PVT1: variants seen among roughly 807,000 people sequenced by gnomAD.
PVT1 encodes CXCR4/PVT1 fusion.
chr8:127,858,447 T>TAAATAAAA (rs1554592235), intron 2 of PVT1, among the ~76,000 whole-genome samples: 1 of 151,378 alleles, frequency 6.6e-6, no homozygotes, highest in Non-Finnish European at 1.5e-5. Context: ...AATAAATAAA[T>TAAATAAAA]AAAAGATGGT....
intron 3 of PVT1, among the ~76,000 whole-genome samples, chr8:127,910,248 G>A (rs1030212322): frequency 1.3e-5 from 2 of 152,158 alleles, no homozygotes; most frequent in African/African-American, 4.8e-5. Flanking sequence ...TGGAAGCGGG[G>A]GCAGTTGTGT....
chr8:127,812,921 T>C (rs1306184352), intron 2 of PVT1, among the ~76,000 whole-genome samples: 1 of 152,030 alleles, frequency 6.6e-6, no homozygotes, highest in Non-Finnish European at 1.5e-5. Context: ...TAGATTTTTA[T>C]AGTCTGCAAG....
intron 5 of PVT1, among the ~76,000 whole-genome samples, chr8:128,083,413 C>T (rs1269378384): frequency 6.6e-6 from 1 of 152,236 alleles, no homozygotes; most frequent in African/African-American, 2.4e-5. Context: ...CACCCTTTCA[C>T]TACTGAGGCT....
At chr8:127,891,578 CA>C (rs1227671571) in intron 3 of PVT1, among the ~76,000 whole-genome samples, 3 of 152,202 alleles carry the variant, frequency 2.0e-5, no homozygotes, top group African/African-American at 7.2e-5. Flanking sequence ...TAAGTATTAT[CA>C]CACGTCACAG....
chr8:128,010,252 T>G (rs1817297310), intron 4 of PVT1: 1 of 152,206 alleles, frequency 6.6e-6, no homozygotes, highest in Admixed American at 6.5e-5. Flanking sequence ...TCCAAATTGT[T>G]AAAACTCCCT....
Position 128,000,814 on chromosome 8 carries a change from G to A in PVT1, n.912+11523G>A, listed in dbSNP as rs554366845. On this transcript the variant is annotated intron_variant and non_coding_transcript_variant, in intron 4 of 10. Coordinates refer to ENST00000651587, the Ensembl canonical transcript of PVT1. ...ATCAGAGATGACAGCCCAGCCTGGA[G>A]CTCTGCAAGGTCCTCCAGGCTTCTC... Among the ~76,000 whole-genome samples the A allele has an allele frequency of 7.2e-5, 11 of 152,306 alleles. No homozygotes were observed. In the South Asian group the frequency reaches 2.1e-3, roughly 29 times the overall value.
chr8:127,879,415 G>A (rs1459581298), intron 2 of PVT1, among the ~76,000 whole-genome samples: 2 of 152,222 alleles, frequency 1.3e-5, no homozygotes, highest in African/African-American at 4.8e-5. Context: ...TGTAATCCTA[G>A]CTACTTGGGA....
intron 3 of PVT1, among the ~76,000 whole-genome samples, chr8:127,962,135 T>C (rs1421973570): frequency 5.9e-5 from 9 of 152,130 alleles, no homozygotes; most frequent in Admixed American, 4.6e-4. Flanking sequence ...CCCAGCTAAT[T>C]TTTATATTTT....
intron 4 of PVT1, among the ~76,000 whole-genome samples, chr8:128,041,578 TTG>T (rs369638790): frequency 1.4e-5 from 2 of 146,544 alleles, no homozygotes; most frequent in African/African-American, 5.0e-5. Context: ...GTGTGTGTGT[TTG>T]TGTGTGTTTG....
chr8:128,020,659 A>T (rs1462797076), intron 4 of PVT1, among the ~76,000 whole-genome samples: 1 of 152,260 alleles, frequency 6.6e-6, no homozygotes, highest in Non-Finnish European at 1.5e-5. Flanking sequence ...ATTCAGCTTC[A>T]TGAACCAGGA....
chr8:127,858,263 C>A (rs1023077682), intron 2 of PVT1, among the ~76,000 whole-genome samples: 5 of 151,920 alleles, frequency 3.3e-5, no homozygotes. Context: ...AAAAATTAGC[C>A]GGGCATGGTG....
chr8:127,814,323 C>A (rs1402523107), intron 2 of PVT1, among the ~76,000 whole-genome samples: 1 of 152,202 alleles, frequency 6.6e-6, no homozygotes, highest in East Asian at 1.9e-4. Context: ...CAGGAGCCTG[C>A]CTGACGCGTC....
intron 2 of PVT1, among the ~76,000 whole-genome samples, chr8:127,882,129 G>A (rs1442392752): frequency 6.6e-6 from 1 of 152,184 alleles, no homozygotes; most frequent in Non-Finnish European, 1.5e-5. Flanking sequence ...CACAGCATGA[G>A]GATTCACACC....
At chr8:127,852,366 G>A (rs931013053) in intron 2 of PVT1, 4 of 152,268 alleles carry the variant, frequency 2.6e-5, no homozygotes, top group African/African-American at 9.6e-5. Flanking sequence ...AGGACCTTGG[G>A]CAAGTCATCC....
chr8:127,978,485 A>T (rs1358627724), intron 3 of PVT1, among the ~76,000 whole-genome samples: 1 of 148,086 alleles, frequency 6.8e-6, no homozygotes, highest in Non-Finnish European at 1.5e-5. Context: ...ATTATTATTT[A>T]TTATTATTAT....
intron 4 of PVT1, among the ~76,000 whole-genome samples, chr8:128,046,469 G>A (rs944631194): frequency 6.6e-6 from 1 of 152,216 alleles, no homozygotes; most frequent in South Asian, 2.1e-4. Flanking sequence ...GTTGCCTTGT[G>A]GAATGTTCTT....
intron 2 of PVT1, among the ~76,000 whole-genome samples, chr8:127,832,553 A>C (rs765640986): frequency 6.6e-6 from 1 of 152,230 alleles, no homozygotes; most frequent in Non-Finnish European, 1.5e-5. Flanking sequence ...GAGGTAATCA[A>C]GAAGAGATCA....
At chr8:127,938,570 G>A (rs1022971081) in intron 3 of PVT1, among the ~76,000 whole-genome samples, 2 of 152,152 alleles carry the variant, frequency 1.3e-5, no homozygotes, top group Admixed American at 6.5e-5. Context: ...ACACAAGAAC[G>A]CAAATGTAAG....
At chr8:127,958,922 T>A (rs1816603764) in intron 3 of PVT1, among the ~76,000 whole-genome samples, 1 of 152,080 alleles carries the variant, frequency 6.6e-6, no homozygotes, top group Admixed American at 6.5e-5. Flanking sequence ...AAGTGGATAC[T>A]ATCGAAGGGG....
Sources: gnomAD v4.1 joint callset for allele counts (sites outside exome capture counted in the v4.1 genomes callset) on GRCh38, gnomAD v4.1.1 for gene constraint, MANE v1.5 for transcripts, NCBI Gene and HGNC (gene_info 2026-07-23, HGNC 2026-07-21) for gene names.